FAF1: variants seen among roughly 807,000 people sequenced by gnomAD.
FAF1 encodes the protein Fas associated factor 1.
Under a neutral mutation model 92.5 loss-of-function variants are expected in FAF1, and 25 were observed. The observed-to-expected ratio is 0.27, with a 90% CI of 0.20 to 0.38. The LOEUF (loss-of-function observed/expected upper bound fraction) is 0.38, where lower values mean the gene tolerates loss of function less well. FAF1 is among the 10% of genes least tolerant of loss of function. The pLI is 1.00. For synonymous variants in FAF1, 234 were observed against 273.2 expected, an observed-to-expected ratio of 0.86 and a Z score of 1.42; for missense variants, 636 against 793.3, an observed-to-expected ratio of 0.80 and a Z score of 2.38.
rs535677674 is a variant in FAF1, at chr1:50,579,297, A to T, written c.1113+3321T>A. Among the ~76,000 whole-genome samples the T allele has an allele frequency of 3.3e-5, 5 of 152,266 alleles. No individual in the cohort carries two copies. In the South Asian group the frequency reaches 1.0e-3, roughly 32 times the overall value. On this transcript the variant is annotated intron_variant, in intron 12 of 18. Transcript: ENST00000396153. ...TAAAGCTAAAATGTGTGAGGTATACATAGTATATCTTACAGAAGCTTTGGA... is the reference window on the plus strand; with the variant it reads ...TAAAGCTAAAATGTGTGAGGTATACTTAGTATATCTTACAGAAGCTTTGGA...
Position 50,711,082 on chromosome 1 carries a change from G to A in FAF1, c.552-5191C>T, listed in dbSNP as rs569625570. On this transcript the variant is annotated intron_variant, in intron 6 of 18. Coordinates refer to ENST00000396153, the MANE Select transcript of FAF1 (RefSeq NM_007051.3). The stretch of plus-strand genomic sequence containing the variant: ...ACACCACCACATCCAGTTAATTTTG[G>A]TATTTTTAGTAGAGACGGGGTTTCA... Among the ~76,000 whole-genome samples, 4 of 151,354 alleles carry A rather than the reference G, an allele frequency of 2.6e-5. No homozygotes were observed. In the South Asian group the frequency reaches 8.3e-4, roughly 32 times the overall value.
chr1:50,620,582 A>C lies in FAF1; in HGVS notation c.745-24366T>G, dbSNP rs767302261. Among the ~76,000 whole-genome samples the C allele has an allele frequency of 3.0e-4, 45 of 152,210 alleles. 1 individual carries two copies. Among genetic ancestry groups the C allele is most frequent in the Non-Finnish European group, 5.9e-4 (40 of 68,046 alleles). ...AGTCATTTTGGAATGGTTAAGAACC[A>C]TTGTTGGGAAACTAGTGGACTTGTC... On this transcript the variant is annotated intron_variant, in intron 8 of 18. Coordinates refer to ENST00000396153, the MANE Select transcript of FAF1 (RefSeq NM_007051.3).
chr1:50,553,601 C>T (rs10888697), intron 13 of FAF1, among the ~76,000 whole-genome samples: 31,292 of 152,042 alleles, frequency 0.21, 3,973 homozygotes, highest in African/African-American at 0.36. Context: ...GAACTGTGCA[C>T]AGCACCAGAC....
chr1:50,498,648 G>A (rs573909192), intron 15 of FAF1, among the ~76,000 whole-genome samples: 21 of 152,176 alleles, frequency 1.4e-4, no homozygotes, highest in South Asian at 2.1e-4. Flanking sequence ...TCAGGAGTTC[G>A]AGACCAGCCT....
At chr1:50,619,754 G>T (rs1184546957) in intron 8 of FAF1, among the ~76,000 whole-genome samples, 1 of 151,974 alleles carries the variant, frequency 6.6e-6, no homozygotes, top group East Asian at 1.9e-4. Flanking sequence ...ATCTAACCAG[G>T]GTTCTCTGTA....
chr1:50,905,709 A>G (rs2124714587), intron 1 of FAF1, among the ~76,000 whole-genome samples: 1 of 152,224 alleles, frequency 6.6e-6, no homozygotes, highest in Non-Finnish European at 1.5e-5. Context: ...AATATCCTTC[A>G]CCCACTTTTT....
chr1:50,930,048 T>A (rs921585030), intron 1 of FAF1, among the ~76,000 whole-genome samples: 3 of 152,238 alleles, frequency 2.0e-5, no homozygotes, highest in Admixed American at 2.0e-4. Flanking sequence ...CTCATTTTTT[T>A]CATTTAGCTT....
At chr1:50,648,253 C>T (rs750556048) in intron 8 of FAF1, among the ~76,000 whole-genome samples, 12 of 151,758 alleles carry the variant, frequency 7.9e-5, no homozygotes, top group East Asian at 1.9e-4. Flanking sequence ...AGTGAAACTC[C>T]GTCTCAAAAC....
intron 8 of FAF1, among the ~76,000 whole-genome samples, chr1:50,610,044 T>C (rs1468505713): frequency 2.6e-5 from 4 of 152,170 alleles, no homozygotes; most frequent in South Asian, 2.1e-4. Flanking sequence ...TAAATTAAAG[T>C]ATACTTTTAA....
chr1:50,679,332 AG>A (rs1313448685), intron 7 of FAF1, among the ~76,000 whole-genome samples: 3 of 151,884 alleles, frequency 2.0e-5, no homozygotes, highest in African/African-American at 7.3e-5. Context: ...ACAAAAAAAA[AG>A]AATAGCATTT....
chr1:50,774,867 T>G (rs1660899478), intron 4 of FAF1, among the ~76,000 whole-genome samples: 2 of 152,184 alleles, frequency 1.3e-5, no homozygotes, highest in South Asian at 4.1e-4. Flanking sequence ...TTATTCAAGA[T>G]AAGAAAACAG....
chr1:50,654,243 G>A (rs952880428), intron 8 of FAF1, among the ~76,000 whole-genome samples: 5 of 151,998 alleles, frequency 3.3e-5, no homozygotes, highest in Admixed American at 6.6e-5. Context: ...CAATTCCTAG[G>A]CATAATCATT....
At chr1:50,950,639 A>G (rs1228250225) in intron 1 of FAF1, among the ~76,000 whole-genome samples, 1 of 152,244 alleles carries the variant, frequency 6.6e-6, no homozygotes, top group African/African-American at 2.4e-5. Context: ...AACAACAGGC[A>G]TCAACTCTAT....
intron 1 of FAF1, among the ~76,000 whole-genome samples, chr1:50,922,626 C>G (rs1017332717): frequency 1.3e-5 from 2 of 151,414 alleles, no homozygotes; most frequent in Non-Finnish European, 2.9e-5. Flanking sequence ...TGAGACCAGC[C>G]TGACCAACAT....
At chr1:50,640,332 G>A (rs1166993216) in intron 8 of FAF1, among the ~76,000 whole-genome samples, 14 of 149,116 alleles carry the variant, frequency 9.4e-5, no homozygotes, top group East Asian at 5.9e-4. Context: ...TCGCTCTGTC[G>A]CCCAGGCTGG....
intron 1 of FAF1, among the ~76,000 whole-genome samples, chr1:50,915,980 C>T (rs548956914): frequency 2.6e-5 from 4 of 152,128 alleles, no homozygotes; most frequent in East Asian, 1.9e-4. Flanking sequence ...AAGAAAAAAG[C>T]GAATCAAACA....
chr1:50,676,338 T>A (rs1176244428), intron 7 of FAF1, among the ~76,000 whole-genome samples: 2 of 142,712 alleles, frequency 1.4e-5, no homozygotes, highest in Non-Finnish European at 3.1e-5. Flanking sequence ...ACCCAGGAGG[T>A]GGAGGTTGCA....
chr1:50,686,009 T>C (rs1303881916), intron 7 of FAF1, among the ~76,000 whole-genome samples: 1 of 152,206 alleles, frequency 6.6e-6, no homozygotes, highest in Non-Finnish European at 1.5e-5. Flanking sequence ...AAAGTATTCA[T>C]CCCCTGCTCA....
At position 50,535,046 on chromosome 1, in the gene FAF1, A is replaced by G. The variant is rs554337413; in HGVS notation, c.1494+323T>C. ...CATAAAACTGAGTGATAAAATCCAT[A>G]TAGTAGACATAATTTCCTGGACTAC... On this transcript the variant is annotated intron_variant, in intron 15 of 18. Coordinates refer to ENST00000396153, the MANE Select transcript of FAF1 (RefSeq NM_007051.3). Among the ~76,000 whole-genome samples the G allele has an allele frequency of 5.9e-5, 9 of 152,318 alleles. No individual in the cohort carries two copies. The South Asian group carries it at 1.9e-3, about 32-fold the overall frequency.
Sources: allele counts gnomAD v4.1 joint callset (sites outside exome capture counted in the v4.1 genomes callset), GRCh38; gene constraint gnomAD v4.1.1; transcripts MANE v1.5; gene names NCBI Gene and HGNC (gene_info 2026-07-23, HGNC 2026-07-21).